NUP205: variants seen among roughly 807,000 people sequenced by gnomAD.
The protein encoded by NUP205 is nuclear pore complex protein Nup205.
In NUP205, 76 loss-of-function variants were observed where a neutral mutation model predicts 253.8. The ratio of observed to expected loss-of-function variants is 0.30; its 90% CI spans 0.25 to 0.36. The LOEUF (loss-of-function observed/expected upper bound fraction) is 0.36. Among genes scored for constraint, NUP205 ranks in the 10% least tolerant of loss-of-function variants. NUP205 has a pLI of 1.00. For missense variants in NUP205, 2,162 were observed against 2,425.5 expected (o/e 0.89, Z 2.28); for synonymous variants, 832 against 850.1 (o/e 0.98, Z 0.37).
At chr7:135,633,240 A>G (rs1794748485) in intron 35 of NUP205, among the ~76,000 whole-genome samples, 1 of 152,080 alleles carries the variant, frequency 6.6e-6, no homozygotes. Context: ...CTGGGATTAC[A>G]GGCAGGAGCC....
Position 135,592,995 on chromosome 7 carries a change from A to T in NUP205, c.1633A>T (p.Ile545Phe). The change falls in exon 12 of 43, where the codon ATT becomes TTT. Residue 545 changes from isoleucine to phenylalanine, a missense_variant. Ile to Phe is a conservative substitution (Grantham distance 21). Coordinates refer to ENST00000285968, the MANE Select transcript of NUP205 (RefSeq NM_015135.3). ...KVNGSSHVEN[I>F]QGAGGSPVSW... is the part of the protein sequence containing the mutation. ...GCTGTTTTTCTTTATAGTTGAAAAT[A>T]TTCAGGGAGCAGGTGGCAGTCCTGT... 1 of 1,611,098 alleles carries T rather than the reference A, an allele frequency of 6.2e-7. No homozygotes were observed. Among genetic ancestry groups the T allele is most frequent in the Non-Finnish European group, 8.5e-7 (1 of 1,177,356 alleles).
intron 31 of NUP205, 109 bp downstream of exon 31, chr7:135,623,034 T>G: frequency 9.0e-7 from 1 of 1,112,784 alleles, no homozygotes; most frequent in Non-Finnish European, 1.3e-6. Context: ...TCTCAGTGCT[T>G]TCGAAGGCCA....
Position 135,570,750 on chromosome 7 carries a change from T to TTGTATTTA in NUP205, c.29-354_29-353insGTATTTAT, listed in dbSNP as rs1805953006. ...TTTATATATTATATTAATATATTAA[T>TTGTATTTA]TATATTTATATATTATATTAATATA... On this transcript the variant is annotated intron_variant, in intron 1 of 42. Transcript: ENST00000285968. 3.1e-5 allele frequency among the ~76,000 whole-genome samples: 3 copies of TTGTATTTA among 95,608 alleles called. 1 individual carries two copies. Among genetic ancestry groups the TTGTATTTA allele is most frequent in the Non-Finnish European group, 5.8e-5 (3 of 51,768 alleles). The allele number at this position is 95,608 out of a possible 152,430, so 62.7% of individuals were successfully genotyped here. A position where few individuals can be genotyped will look rare whatever the true frequency, so the allele number is the denominator to read the frequency against.
intron 13 of NUP205, among the ~76,000 whole-genome samples, chr7:135,595,821 C>T (rs530641680): frequency 2.4e-4 from 37 of 152,092 alleles, no homozygotes; most frequent in African/African-American, 8.0e-4. Flanking sequence ...AATATGGATG[C>T]GCTTTATAGA....
chr7:135,611,886 G>A (rs187385305), intron 22 of NUP205, among the ~76,000 whole-genome samples: 7 of 152,224 alleles, frequency 4.6e-5, no homozygotes, highest in Admixed American at 4.6e-4. Context: ...AGGCTGAGGC[G>A]GGTGGATCAT....
chr7:135,641,441 A>G (rs1794913210), intron 38 of NUP205, among the ~76,000 whole-genome samples: 1 of 152,238 alleles, frequency 6.6e-6, no homozygotes. Context: ...ATCCACAGAC[A>G]AAGGACTCTT....
At chr7:135,588,888 A>G (rs1806545481) in intron 10 of NUP205, among the ~76,000 whole-genome samples, 1 of 151,362 alleles carries the variant, frequency 6.6e-6, no homozygotes, top group Admixed American at 6.6e-5. Context: ...TGCAGAGGCA[A>G]ATAAAATGAA....
chr7:135,633,338 C>T (rs1028762835), intron 35 of NUP205, among the ~76,000 whole-genome samples: 2 of 152,100 alleles, frequency 1.3e-5, no homozygotes, highest in Admixed American at 6.6e-5. Flanking sequence ...ATAGCTGGAA[C>T]GCCTGAGCTC....
chr7:135,634,220 C>T (rs1318037950), intron 35 of NUP205, among the ~76,000 whole-genome samples: 2 of 152,134 alleles, frequency 1.3e-5, no homozygotes, highest in Non-Finnish European at 2.9e-5. Flanking sequence ...AGCCACCATG[C>T]CCAGCTGGCT....
At chr7:135,593,292 G>A in intron 12 of NUP205, 100 bp downstream of exon 12, 2 of 1,100,168 alleles carry the variant, frequency 1.8e-6, no homozygotes, top group South Asian at 1.5e-5. Context: ...AATAAACTTA[G>A]CCTATCTAGA....
chr7:135,615,832 A>G, intron 23 of NUP205, 84 bp from the exon 24 acceptor site: 1 of 780,894 alleles, frequency 1.3e-6, no homozygotes, highest in Non-Finnish European at 1.9e-6. Context: ...ACATGGGAAA[A>G]TATCTGTTGA....
intron 11 of NUP205, among the ~76,000 whole-genome samples, chr7:135,592,685 A>G (rs958967534): frequency 6.6e-6 from 1 of 152,120 alleles, no homozygotes; most frequent in Non-Finnish European, 1.5e-5. Flanking sequence ...TCAGGAGTTC[A>G]AGAGCAGCCT....
At chr7:135,603,818 TAA>T (rs1794022405) in intron 18 of NUP205, among the ~76,000 whole-genome samples, 1 of 152,136 alleles carries the variant, frequency 6.6e-6, no homozygotes, top group Admixed American at 6.6e-5. Flanking sequence ...CCGAAATCTC[TAA>T]GTCTAAAATG....
chr7:135,609,570 C>T (rs1273701943), intron 22 of NUP205, among the ~76,000 whole-genome samples: 4 of 151,736 alleles, frequency 2.6e-5, no homozygotes, highest in African/African-American at 9.7e-5. Context: ...ATGGCGTGAA[C>T]TTGGGAGGCG....
intron 27 of NUP205, among the ~76,000 whole-genome samples, chr7:135,618,030 A>T (rs927667951): frequency 2.6e-5 from 4 of 151,908 alleles, no homozygotes; most frequent in Admixed American, 1.3e-4. Flanking sequence ...ATGAATGGAG[A>T]TACAGCCGGC....
At chr7:135,572,582 G>A (rs776249738) in intron 2 of NUP205, among the ~76,000 whole-genome samples, 2 of 152,186 alleles carry the variant, frequency 1.3e-5, no homozygotes, top group Non-Finnish European at 2.9e-5. Context: ...GTGTTTGTGT[G>A]TCAGAGTCTC....
chr7:135,638,725 C>A, intron 38 of NUP205, 42 bp downstream of exon 38: 1 of 1,611,498 alleles, frequency 6.2e-7, no homozygotes, highest in Non-Finnish European at 8.5e-7. Context: ...AACTAAGTTG[C>A]TATGGTTATG....
chr7:135,563,326 T>C (rs2129489478), intron 1 of NUP205, among the ~76,000 whole-genome samples: 1 of 152,258 alleles, frequency 6.6e-6, no homozygotes, highest in Non-Finnish European at 1.5e-5. Flanking sequence ...CAGCTGGGAC[T>C]ACAGGCGCAT....
intron 1 of NUP205, among the ~76,000 whole-genome samples, chr7:135,562,596 G>A (rs1439120146): frequency 7.4e-6 from 1 of 135,578 alleles, no homozygotes; most frequent in Non-Finnish European, 1.5e-5. Flanking sequence ...TTGCCAGGCT[G>A]GAGTGCAGTG....
Sources: allele counts gnomAD v4.1 joint callset (sites outside exome capture counted in the v4.1 genomes callset), GRCh38; gene constraint gnomAD v4.1.1; transcripts MANE v1.5; gene names NCBI Gene and HGNC (gene_info 2026-07-23, HGNC 2026-07-21).